The following CLTC variants were observed in gnomAD, a reference collection of about 807,000 sequenced individuals.
CLTC encodes the protein clathrin heavy chain.
A neutral mutation model predicts 195.8 loss-of-function variants in CLTC; 16 were observed. The ratio of observed to expected loss-of-function variants is 0.08; its 90% CI spans 0.06 to 0.12. CLTC has a LOEUF of 0.12. CLTC is among the 10% of genes least tolerant of loss of function. The pLI is 1.00. For synonymous variants in CLTC, 667 were observed against 689.4 expected, an observed-to-expected ratio of 0.97 and a Z score of 0.51; for missense variants, 796 against 2,027.0, an observed-to-expected ratio of 0.39 and a Z score of 11.66.
chr17:59,659,589 C>T (rs1333363283), intron 6 of CLTC, among the ~76,000 whole-genome samples: 4 of 151,540 alleles, frequency 2.6e-5, no homozygotes, highest in African/African-American at 7.3e-5. Context: ...TGACTACAGG[C>T]GCGTGCCACC....
chr17:59,696,515 AAAG>A lies in CLTC; in HGVS notation c.*2667_*2669del, dbSNP rs1382073225. On this transcript the variant is annotated 3_prime_UTR_variant, in exon 32 of 32. Coordinates refer to ENST00000269122, the MANE Select transcript of CLTC (RefSeq NM_004859.4). ...AGAAATTACTGTCAGTATCCTCCTA[AAAG>A]AAGGCTTAAATAGTTTCTAACAAGA... The A allele has an allele frequency of 9.1e-6, 1 of 109,468 alleles. No individual in the cohort carries two copies. Among genetic ancestry groups the A allele is most frequent in the Non-Finnish European group, 1.6e-5 (1 of 61,654 alleles). The allele number at this position is 109,468 out of a possible 1,614,324, so 6.8% of individuals were successfully genotyped here. A position where few individuals can be genotyped will look rare whatever the true frequency, so the allele number is the denominator to read the frequency against.
chr17:59,635,009 A>G (rs2031822096), intron 1 of CLTC, among the ~76,000 whole-genome samples: 1 of 152,248 alleles, frequency 6.6e-6, no homozygotes, highest in South Asian at 2.1e-4. Context: ...AGTTAACCAA[A>G]TCTTTAAGTA....
chr17:59,663,678 A>C (rs1209844202), intron 8 of CLTC, among the ~76,000 whole-genome samples, 164 bp from the exon 9 acceptor site: 1 of 152,232 alleles, frequency 6.6e-6, no homozygotes, highest in African/African-American at 2.4e-5. Context: ...TGCTGTGAAC[A>C]CAAGATTAAG....
intron 1 of CLTC, among the ~76,000 whole-genome samples, chr17:59,636,393 A>G (rs1372123039): frequency 6.6e-6 from 1 of 152,240 alleles, no homozygotes; most frequent in Non-Finnish European, 1.5e-5. Flanking sequence ...AGTTTAAACC[A>G]TTAAAAACTG....
At chr17:59,642,626 A>T (rs2143491709) in intron 1 of CLTC, among the ~76,000 whole-genome samples, 1 of 152,318 alleles carries the variant, frequency 6.6e-6, no homozygotes, top group East Asian at 1.9e-4. Flanking sequence ...GTTAAAATTA[A>T]TGGTTTATAA....
chr17:59,649,099 T>A (rs554099315), intron 4 of CLTC, among the ~76,000 whole-genome samples: 3 of 152,212 alleles, frequency 2.0e-5, no homozygotes, highest in African/African-American at 7.2e-5. Context: ...CTTTGTATAT[T>A]AGACTTAGTT....
chr17:59,685,554 A>T lies in CLTC; in HGVS notation c.4606-33A>T, dbSNP rs771395963. 6.5e-7 allele frequency: 1 copy of T among 1,547,416 alleles called. No individual in the cohort carries two copies. Among genetic ancestry groups the T allele is most frequent in the African/African-American group, 1.4e-5 (1 of 73,680 alleles). ...TTTACTAGTTCAGTATGTGGGGTCT[A>T]ATGTTTTTGACTTTCACTATTTCTT... On this transcript the variant is annotated intron_variant, in intron 29 of 31. Transcript: ENST00000269122. The surrounding 1 kb of genome is among the most constrained non-coding windows in gnomAD (Gnocchi z 5.0).
rs367749690 is a variant in CLTC, at chr17:59,625,796, A to G, written c.42+5623A>G. Among the ~76,000 whole-genome samples, 8 of 152,328 alleles carry G rather than the reference A, an allele frequency of 5.3e-5. No homozygotes were observed. In the South Asian group the frequency reaches 1.7e-3, roughly 32 times the overall value. On this transcript the variant is annotated intron_variant, in intron 1 of 31. Transcript: ENST00000269122. The stretch of plus-strand genomic sequence containing the variant: ...TTTAAAATTACGGTAACCACATTTC[A>G]AGTGCTCATTATGGTATGTAGGTTG...
intron 4 of CLTC, among the ~76,000 whole-genome samples, chr17:59,650,751 C>T (rs546156852): frequency 2.2e-4 from 34 of 152,168 alleles, no homozygotes; most frequent in Non-Finnish European, 1.9e-4. Flanking sequence ...AGCTGTAGTA[C>T]AGTAGAAAAA....
At chr17:59,675,437 G>A (rs1165589368) in intron 16 of CLTC, among the ~76,000 whole-genome samples, 1 of 152,136 alleles carries the variant, frequency 6.6e-6, no homozygotes, top group Non-Finnish European at 1.5e-5. Context: ...ATGTAAATGA[G>A]TTTGGTGAGG....
Position 59,696,832 on chromosome 17 carries a change from G to GA in CLTC, c.*2980_*2981insA. 1 of 202,878 alleles carries GA rather than the reference G, an allele frequency of 4.9e-6. No individual in the cohort carries two copies. Among genetic ancestry groups the GA allele is most frequent in the East Asian group, 7.5e-5 (1 of 13,286 alleles). 12.6% of individuals were successfully genotyped at this position (202,878 alleles called of 1,614,324 possible). On this transcript the variant is annotated 3_prime_UTR_variant, in exon 32 of 32. Transcript: ENST00000269122. ...TCAGTGGCTTCATTGTTACAAGAAA[G>GA]GGGGGAAGTGAGAAACTTTAATAGG...
intron 6 of CLTC, chr17:59,656,288 T>C: frequency 3.3e-6 from 1 of 306,700 alleles, no homozygotes; most frequent in Non-Finnish European, 6.0e-6. Flanking sequence ...TCTTTAATCC[T>C]GTCTCAGAGA....
At chr17:59,674,136 T>C (rs1006958142) in intron 15 of CLTC, among the ~76,000 whole-genome samples, 2 of 151,768 alleles carry the variant, frequency 1.3e-5, no homozygotes, top group African/African-American at 2.4e-5. Context: ...GCAAGCCGAC[T>C]CAGGGAAGGG....
intron 17 of CLTC, among the ~76,000 whole-genome samples, chr17:59,678,528 C>G (rs1366607599): frequency 6.6e-6 from 1 of 152,210 alleles, no homozygotes; most frequent in Non-Finnish European, 1.5e-5. Flanking sequence ...TATTTTGATG[C>G]TCAAATTGTC....
intron 2 of CLTC, among the ~76,000 whole-genome samples, chr17:59,645,465 C>T (rs956102121): frequency 3.9e-5 from 6 of 152,146 alleles, no homozygotes; most frequent in Non-Finnish European, 5.9e-5. Context: ...TAGAATGAGA[C>T]TAATTGACCC....
intron 17 of CLTC, among the ~76,000 whole-genome samples, chr17:59,678,858 TG>T (rs11330638): frequency 1 from 151,787 of 151,806 alleles, 75,884 homozygotes; most frequent in Middle Eastern, 1. Flanking sequence ...CATGATTAGC[TG>T]GGGGGAGGTG....
chr17:59,629,408 T>TAA (rs1257273656), intron 1 of CLTC, among the ~76,000 whole-genome samples: 3 of 152,118 alleles, frequency 2.0e-5, no homozygotes, highest in African/African-American at 7.2e-5. Flanking sequence ...TTTACACATC[T>TAA]AAAATTCTCC....
chr17:59,631,827 A>G (rs572207783), intron 1 of CLTC, among the ~76,000 whole-genome samples: 2 of 152,224 alleles, frequency 1.3e-5, no homozygotes, highest in Admixed American at 6.5e-5. Context: ...AAAATTAGCC[A>G]GGTGTGGTGG....
rs111721403 is a variant in CLTC, at chr17:59,685,309, A to G, written c.4605+83A>G. 3.1e-5 allele frequency: 42 copies of G among 1,337,878 alleles called. No homozygotes were observed. The African/African-American group carries it at 4.0e-4, about 13-fold the overall frequency. 82.9% of individuals were successfully genotyped at this position (1,337,878 alleles called of 1,614,324 possible). On this transcript the variant is annotated intron_variant, in intron 29 of 31. Coordinates refer to ENST00000269122, the MANE Select transcript of CLTC (RefSeq NM_004859.4). This position sits in a 1 kb window ranked among gnomAD's most constrained non-coding sequence, Gnocchi z 5.0. The stretch of plus-strand genomic sequence containing the variant: ...GTGATTATAATCTATAAATAAAAGT[A>G]TTGGTTTTGTGAATATGAGAGCTGA...
Sources: gnomAD v4.1 joint callset for allele counts (sites outside exome capture counted in the v4.1 genomes callset) on GRCh38, gnomAD v4.1.1 for gene constraint, Gnocchi (gnomAD v3.1) non-coding constraint, MANE v1.5 for transcripts, NCBI Gene and HGNC (gene_info 2026-07-23, HGNC 2026-07-21) for gene names.